WDFY3: variants seen among roughly 807,000 people sequenced by gnomAD.
WDFY3 encodes WD repeat and FYVE domain-containing protein 3.
In WDFY3, 66 loss-of-function variants were observed where a neutral mutation model predicts 409.6. The ratio of observed to expected loss-of-function variants is 0.16; its 90% CI spans 0.13 to 0.20. The LOEUF (loss-of-function observed/expected upper bound fraction) is 0.20. Ranked by LOEUF, WDFY3 falls within the 10% of genes least tolerant of loss-of-function variation. The pLI is 1.00. For synonymous variants in WDFY3, 1,521 were observed against 1,537.1 expected, an observed-to-expected ratio of 0.99 and a Z score of 0.25; for missense variants, 3,031 against 4,298.1, an observed-to-expected ratio of 0.71 and a Z score of 8.24.
At chr4:84,926,014 T>A (rs2150910630) in intron 2 of WDFY3, among the ~76,000 whole-genome samples, 1 of 151,140 alleles carries the variant, frequency 6.6e-6, no homozygotes, top group South Asian at 2.1e-4. Flanking sequence ...GGGCAGTCTA[T>A]ACTTGTTTTC....
intron 32 of WDFY3, among the ~76,000 whole-genome samples, chr4:84,762,163 CA>C (rs1278993097): frequency 6.6e-6 from 1 of 151,754 alleles, no homozygotes; most frequent in Non-Finnish European, 1.5e-5. Flanking sequence ...CACATGCACA[CA>C]TATGTTTATT....
At position 84,672,713 on chromosome 4, in the gene WDFY3, C is replaced by A; in HGVS notation, c.*155G>T. 1 of 1,094,062 alleles carries A rather than the reference C, an allele frequency of 9.1e-7. No individual in the cohort carries two copies. The highest frequency in any genetic ancestry group is 1.3e-6 in the Non-Finnish European group (1 of 768,224). The allele number at this position is 1,094,062 out of a possible 1,614,324, so 67.8% of individuals were successfully genotyped here. Reference sequence around the variant, plus strand: ...TCTGCCCCATTCCTGTACTCTACACCCGTTTTATTCAATGATCCCTTTGAA... The same window carrying A: ...TCTGCCCCATTCCTGTACTCTACACACGTTTTATTCAATGATCCCTTTGAA... On this transcript the variant is annotated 3_prime_UTR_variant, in exon 68 of 68. Transcript: ENST00000295888.
At chr4:84,965,360 C>T (rs1579322663) in intron 1 of WDFY3, among the ~76,000 whole-genome samples, 1 of 152,318 alleles carries the variant, frequency 6.6e-6, no homozygotes, top group East Asian at 1.9e-4. Context: ...ACAGAAAACA[C>T]TTAACCATTT....
In WDFY3 at chr4:84,753,848, C is replaced by T. The variant is rs202056534; in HGVS notation, c.5588G>A (p.Trp1863Ter). ...CAGGGTCACAGGATATTCTCGGAGC[C>T]AAGATCCCTCTTCTTCTGATTGCCA... ...SPWQSEEEGS[W>*]LREYPVTLMQ... is the part of the protein sequence containing the mutation. Residue 1863 changes from tryptophan (W) to a stop codon, truncating the protein, a stop_gained, in exon 35 of 68, where the codon TGG (tryptophan) becomes TAG (stop). Coordinates refer to ENST00000295888, the MANE Select transcript of WDFY3 (RefSeq NM_014991.6). LOFTEE classifies it high-confidence loss of function. 1 of 1,603,242 alleles carries T rather than the reference C, an allele frequency of 6.2e-7. No individual in the cohort carries two copies. The highest frequency in any genetic ancestry group is 8.5e-7 in the Non-Finnish European group (1 of 1,175,568).
chr4:84,748,878 C>A (rs1739978426), intron 36 of WDFY3, among the ~76,000 whole-genome samples: 1 of 151,656 alleles, frequency 6.6e-6, no homozygotes, highest in Non-Finnish European at 1.5e-5. Flanking sequence ...TAAGATAATT[C>A]TCTCTCTCTT....
At chr4:84,847,843 T>C (rs1186718225) in intron 5 of WDFY3, among the ~76,000 whole-genome samples, 1 of 65,394 alleles carries the variant, frequency 1.5e-5, no homozygotes, top group East Asian at 4.0e-4. Flanking sequence ...AAGAAGAAAA[T>C]GCAGCCCCAA....
At position 84,705,425 on chromosome 4, in the gene WDFY3, C is replaced by T. The variant is rs762666959; in HGVS notation, c.8304G>A (p.Lys2768=). ...GATCCTCCCAGTCTTTATACCGCTT[C>T]TTATACTGAGCTAATCGTTCATCTG... ...AQTDERLAQY[K]KRYKDWEDPN... The change falls in exon 54 of 68, where the codon AAG becomes AAA. Residue 2768 remains lysine (K), a synonymous_variant. Transcript: ENST00000295888. 6.2e-7 allele frequency: 1 copy of T among 1,614,026 alleles called. No individual in the cohort carries two copies. The highest frequency in any genetic ancestry group is 1.3e-5 in the African/African-American group (1 of 75,054).
chr4:84,947,710 CAA>C (rs1176852063), intron 1 of WDFY3, among the ~76,000 whole-genome samples: 4 of 77,444 alleles, frequency 5.2e-5, no homozygotes, highest in Non-Finnish European at 5.3e-5. Context: ...CCACATCTAC[CAA>C]AAAAAAAAAA....
chr4:84,953,849 T>G (rs781089878), intron 1 of WDFY3, among the ~76,000 whole-genome samples: 50 of 151,842 alleles, frequency 3.3e-4, no homozygotes, highest in Non-Finnish European at 4.9e-4. Context: ...CCAAAGAAAT[T>G]TGATCAATCC....
In WDFY3 at chr4:84,814,165, A is replaced by G. The variant is rs543315744; in HGVS notation, c.1887+3227T>C. ...TAAGGATTATTTTCAGTTGAAGGCA[A>G]TTGGGAAGAAGTAGATATAAGAAAA... is the stretch of plus-strand genomic sequence containing the variant. On this transcript the variant is annotated intron_variant, in intron 13 of 67. Transcript: ENST00000295888. Among the ~76,000 whole-genome samples the G allele has an allele frequency of 9.8e-5, 15 of 152,322 alleles. No individual in the cohort carries two copies. The East Asian group carries it at 1.7e-3, about 18-fold the overall frequency.
chr4:84,815,564 T>C (rs1753170990), intron 13 of WDFY3, among the ~76,000 whole-genome samples: 1 of 152,190 alleles, frequency 6.6e-6, no homozygotes, highest in Non-Finnish European at 1.5e-5. Flanking sequence ...TCCTACGTCA[T>C]TTTTAATTTC....
rs189852621 is a variant in WDFY3, at chr4:84,960,701, T to A, written c.-226+5508A>T. ...CTATGTTGCCCAGGCTGGTCTCGAA[T>A]TTCTGAGCTCAAGCAATCCACCCAC... On this transcript the variant is annotated intron_variant, in intron 1 of 67. Coordinates refer to ENST00000295888, the MANE Select transcript of WDFY3 (RefSeq NM_014991.6). Among the ~76,000 whole-genome samples the A allele has an allele frequency of 5.3e-3, 807 of 152,130 alleles. 4 individuals are homozygous for A. Among genetic ancestry groups the A allele is most frequent in the African/African-American group, 0.019 (771 of 41,528 alleles).
rs1299298144 is a variant in WDFY3, at chr4:84,789,897, A to G, written c.3498T>C (p.Phe1166=). Residue 1166 remains phenylalanine (F), a synonymous_variant, in exon 22 of 68, where the codon TTT becomes TTC. Transcript: ENST00000295888. ...EELLQNYVDD[F]SEESSFYEIL... is the part of the protein sequence containing the mutation. ...TTTCATAAAATGAGGACTCTTCACT[A>G]AAATCATCAACTGAAATAAAGGGGG... is the stretch of plus-strand genomic sequence containing the variant. 19 of 1,613,938 alleles carry G rather than the reference A, an allele frequency of 1.2e-5. No homozygotes were observed. The highest frequency in any genetic ancestry group is 1.4e-5 in the Non-Finnish European group (16 of 1,179,974).
chr4:84,890,326 C>T (rs1258884120), intron 3 of WDFY3, among the ~76,000 whole-genome samples: 1 of 152,160 alleles, frequency 6.6e-6, no homozygotes, highest in Non-Finnish European at 1.5e-5. Context: ...TCTTGAACTC[C>T]TGAGCTCAAG....
Position 84,740,431 on chromosome 4 carries a change from GGT to G in WDFY3, c.6235-17_6235-16del. On this transcript the variant is annotated splice_polypyrimidine_tract_variant and intron_variant, in intron 38 of 67. Transcript: ENST00000295888. ...CTTCTCTTTGACTAAAGACATGAAA[GGT>G]ATGTTTTTAGTATAATAGACAAAAG... 6.2e-7 allele frequency: 1 copy of G among 1,612,078 alleles called. No homozygotes were observed. Among genetic ancestry groups the G allele is most frequent in the Non-Finnish European group, 8.5e-7 (1 of 1,178,264 alleles).
At chr4:84,761,981 G>A (rs1206964804) in intron 32 of WDFY3, among the ~76,000 whole-genome samples, 1 of 152,126 alleles carries the variant, frequency 6.6e-6, no homozygotes, top group Non-Finnish European at 1.5e-5. Context: ...TGGAGAGGAC[G>A]TGGAGAAATA....
At chr4:84,745,764 G>T (rs947783344) in intron 36 of WDFY3, among the ~76,000 whole-genome samples, 8 of 152,108 alleles carry the variant, frequency 5.3e-5, no homozygotes, top group African/African-American at 1.9e-4. Context: ...TATTTGAACA[G>T]ATTAATACAA....
chr4:84,682,658 T>C (rs1265358299), intron 63 of WDFY3, 188 bp from the exon 64 acceptor site: 1 of 585,354 alleles, frequency 1.7e-6, no homozygotes, highest in Non-Finnish European at 3.1e-6. Flanking sequence ...TGTTTCAAAG[T>C]ACAGGGAAAA....
At chr4:84,885,907 T>A (rs1764160196) in intron 3 of WDFY3, among the ~76,000 whole-genome samples, 1 of 152,174 alleles carries the variant, frequency 6.6e-6, no homozygotes. Flanking sequence ...TGGAAGCAAT[T>A]TTTTGGAAGC....
Sources: gnomAD v4.1 joint callset for allele counts (sites outside exome capture counted in the v4.1 genomes callset) on GRCh38, gnomAD v4.1.1 for gene constraint, MANE v1.5 for transcripts, NCBI Gene and HGNC (gene_info 2026-07-23, HGNC 2026-07-21) for gene names.